COL24A1: variants seen among roughly 807,000 people sequenced by gnomAD.
COL24A1 encodes collagen type XXIV alpha 1 chain, also known as collagen alpha-1(XXIV) chain.
Under a neutral mutation model 253.9 loss-of-function variants are expected in COL24A1, and 224 were observed. That is an observed-to-expected ratio of 0.88 (90% CI 0.79 to 0.99). COL24A1 has a LOEUF of 0.99. Among genes scored for constraint, COL24A1 ranks in the 50% least tolerant of loss-of-function variants. The pLI, the probability that COL24A1 is intolerant of heterozygous loss-of-function variation, is 0.00. For missense variants in COL24A1, 2,131 were observed against 2,068.5 expected (o/e 1.03, Z -0.59); for synonymous variants, 685 against 673.7 (o/e 1.02, Z -0.26).
At chr1:86,003,125 G>A (rs537395585) in intron 19 of COL24A1, among the ~76,000 whole-genome samples, 1 of 152,280 alleles carries the variant, frequency 6.6e-6, no homozygotes, top group South Asian at 2.1e-4. Flanking sequence ...GCTGCCTCTG[G>A]AATTCTGGAG....
chr1:85,823,495 T>A (rs1375818731), intron 45 of COL24A1, 41 bp downstream of exon 45: 4 of 1,591,064 alleles, frequency 2.5e-6, no homozygotes, highest in Non-Finnish European at 3.4e-6. Flanking sequence ...CTAAAATTGC[T>A]AACAATACAT....
At chr1:86,097,458 T>TCCTCCCTCCTCC (rs1557606605) in intron 5 of COL24A1, among the ~76,000 whole-genome samples, 4 of 39,402 alleles carry the variant, frequency 1.0e-4, no homozygotes, top group African/African-American at 1.8e-4. Flanking sequence ...CCCCCTCCTC[T>TCCTCCCTCCTCC]TCCTCCCTCC....
intron 32 of COL24A1, among the ~76,000 whole-genome samples, chr1:85,884,938 G>A (rs1682301066): frequency 6.6e-6 from 1 of 152,052 alleles, no homozygotes; most frequent in African/African-American, 2.4e-5. Flanking sequence ...CCCTCTCTGA[G>A]TTTTTTAACA....
At chr1:85,842,041 G>C in intron 41 of COL24A1, 27 bp downstream of exon 41, 1 of 1,596,456 alleles carries the variant, frequency 6.3e-7, no homozygotes, top group East Asian at 2.2e-5. Context: ...TTAACTTTAA[G>C]ATTAAAAAGC....
intron 24 of COL24A1, among the ~76,000 whole-genome samples, chr1:85,950,425 A>G (rs1306100552): frequency 2.6e-5 from 4 of 152,198 alleles, no homozygotes; most frequent in African/African-American, 9.6e-5. Context: ...AGCTTTCATC[A>G]CCTGGTAACT....
At chr1:85,926,609 T>G (rs890564744) in intron 24 of COL24A1, among the ~76,000 whole-genome samples, 3 of 151,932 alleles carry the variant, frequency 2.0e-5, no homozygotes, top group Non-Finnish European at 4.4e-5. Flanking sequence ...TAGGTGGGAA[T>G]TGAACAATGA....
intron 18 of COL24A1, among the ~76,000 whole-genome samples, chr1:86,020,398 C>T (rs1697416630): frequency 6.6e-6 from 1 of 151,990 alleles, no homozygotes; most frequent in African/African-American, 2.4e-5. Flanking sequence ...GAAGCTGGTA[C>T]CATGGTGGTT....
intron 21 of COL24A1, 32 bp downstream of exon 21, chr1:85,971,308 C>T (rs1450213331): frequency 6.3e-7 from 1 of 1,597,014 alleles, no homozygotes; most frequent in Admixed American, 1.7e-5. Context: ...AAAAACCTTG[C>T]TGAAGCTGAC....
Position 85,912,918 on chromosome 1 carries a change from A to T in COL24A1, c.2563-1485T>A, listed in dbSNP as rs909062275. ...TATTAAAATGATACTGATTTGATATATTGGTGTAAATGAAATATTACTAAA... is the reference window on the plus strand; with the variant it reads ...TATTAAAATGATACTGATTTGATATTTTGGTGTAAATGAAATATTACTAAA... On this transcript the variant is annotated intron_variant, in intron 24 of 59. Coordinates refer to ENST00000370571, the MANE Select transcript of COL24A1 (RefSeq NM_152890.7). 2.0e-5 allele frequency among the ~76,000 whole-genome samples: 3 copies of T among 152,326 alleles called. No individual in the cohort carries two copies. In the East Asian group the frequency reaches 5.8e-4, roughly 29 times the overall value.
intron 19 of COL24A1, among the ~76,000 whole-genome samples, chr1:86,005,916 C>T (rs1695909095): frequency 6.6e-6 from 1 of 151,930 alleles, no homozygotes; most frequent in African/African-American, 2.4e-5. Flanking sequence ...TCTTGTATAC[C>T]AAGAACAAAC....
chr1:85,847,186 G>A (rs1677227833), intron 39 of COL24A1, among the ~76,000 whole-genome samples: 1 of 152,154 alleles, frequency 6.6e-6, no homozygotes, highest in South Asian at 2.1e-4. Context: ...TCCTGAGAAA[G>A]ATGAAAGATA....
At chr1:85,923,165 T>C (rs1686736987) in intron 24 of COL24A1, among the ~76,000 whole-genome samples, 1 of 152,192 alleles carries the variant, frequency 6.6e-6, no homozygotes, top group African/African-American at 2.4e-5. Flanking sequence ...CCCAGATTCA[T>C]AAAGCAAGTC....
chr1:85,840,848 T>C (rs1452251066), intron 42 of COL24A1, among the ~76,000 whole-genome samples: 2 of 152,108 alleles, frequency 1.3e-5, no homozygotes, highest in Non-Finnish European at 2.9e-5. Flanking sequence ...AGTATATAGA[T>C]AAGATTTTTT....
In COL24A1 at chr1:85,877,354, A is replaced by G. The variant is rs141311649; in HGVS notation, c.2977-179T>C. 1.8e-4 allele frequency among the ~76,000 whole-genome samples: 27 copies of G among 152,134 alleles called. No homozygotes were observed. The East Asian group carries it at 5.2e-3, about 29-fold the overall frequency. ...ACAAAATTATATCTTTAATTGATTC[A>G]TGTATGTGTGTGTGTTTTTGTTTTT... On this transcript the variant is annotated intron_variant, in intron 32 of 59. Transcript: ENST00000370571.
intron 46 of COL24A1, among the ~76,000 whole-genome samples, chr1:85,817,375 C>T (rs1373626044): frequency 2.0e-5 from 3 of 152,038 alleles, no homozygotes; most frequent in Non-Finnish European, 4.4e-5. Flanking sequence ...TTTGTTTCTA[C>T]ACTTGGGCAA....
chr1:86,107,701 ATT>A (rs1173214874), intron 5 of COL24A1, among the ~76,000 whole-genome samples: 2 of 151,490 alleles, frequency 1.3e-5, no homozygotes, highest in African/African-American at 4.8e-5. Context: ...CGCCCGGCTA[ATT>A]TTTTTGTATT....
intron 7 of COL24A1, among the ~76,000 whole-genome samples, chr1:86,080,264 T>C (rs1702536131): frequency 6.6e-6 from 1 of 152,018 alleles, no homozygotes; most frequent in African/African-American, 2.4e-5. Flanking sequence ...AGGATGGTTA[T>C]TTGAGGCTGG....
At chr1:85,878,633 T>C (rs1357399282) in intron 32 of COL24A1, among the ~76,000 whole-genome samples, 2 of 152,236 alleles carry the variant, frequency 1.3e-5, no homozygotes, top group Non-Finnish European at 2.9e-5. Flanking sequence ...GTTAAGAGTA[T>C]GCCTAGCTTC....
intron 32 of COL24A1, among the ~76,000 whole-genome samples, chr1:85,888,650 A>T (rs762984099): frequency 6.6e-6 from 1 of 152,124 alleles, no homozygotes; most frequent in Non-Finnish European, 1.5e-5. Context: ...GATTTAGCTT[A>T]AAAAATCAAC....
Sources: allele counts gnomAD v4.1 joint callset (sites outside exome capture counted in the v4.1 genomes callset), GRCh38; gene constraint gnomAD v4.1.1; transcripts MANE v1.5; gene names NCBI Gene and HGNC (gene_info 2026-07-23, HGNC 2026-07-21).